Variants in FCRL2 observed in about 807,000 individuals in gnomAD.
FCRL2 encodes the protein Fc receptor like 2.
Under a neutral mutation model 59.8 loss-of-function variants are expected in FCRL2, and 48 were observed. That is an observed-to-expected ratio of 0.80 (90% CI 0.64 to 1.02). The LOEUF (loss-of-function observed/expected upper bound fraction) is 1.02. Ranked by LOEUF, FCRL2 falls within the 50% of genes least tolerant of loss-of-function variation. The pLI, the probability that FCRL2 is intolerant of heterozygous loss-of-function variation, is 0.00. For missense variants in FCRL2, 658 were observed against 597.3 expected, an observed-to-expected ratio of 1.10 and a Z score of -1.06; for synonymous variants, 251 against 229.5, an observed-to-expected ratio of 1.09 and a Z score of -0.85.
intron 9 of FCRL2, 38 bp from the exon 10 acceptor site, chr1:157,748,656 C>A: frequency 6.3e-7 from 1 of 1,576,450 alleles, no homozygotes; most frequent in Non-Finnish European, 8.7e-7. Context: ...ATGTTGGTGG[C>A]CCAGGGTTCA....
In FCRL2 at chr1:157,748,890, G is replaced by C. The variant is rs1244164894; in HGVS notation, c.1378C>G (p.Pro460Ala). 4 of 1,613,588 alleles carry C rather than the reference G, an allele frequency of 2.5e-6. No individual in the cohort carries two copies. The Admixed American group carries it at 6.7e-5, about 27-fold the overall frequency. Residue 460 changes from proline to alanine, a missense_variant, in exon 9 of 12, where the codon CCA (proline) becomes GCA (alanine). By Grantham distance (27) the Pro-to-Ala change is conservative. Coordinates refer to ENST00000361516, the MANE Select transcript of FCRL2 (RefSeq NM_030764.4). The part of the protein sequence containing the change: ...SPTPDMEELQ[P>A]VYVNVGSVDV... ...AGACACTCACCATTGACATACACTG[G>C]CTGCAGCTCCTCCATGTCTGGGGTT...
In FCRL2 at chr1:157,772,018, A is replaced by G. The variant is rs1308120705; in HGVS notation, c.53-1352T>C. On this transcript the variant is annotated intron_variant, in intron 2 of 11. Transcript: ENST00000361516. ...CAGAATTACTTGTTAGACATTGGGGAACAATCTGATTATATATATATATAT... is the reference window on the plus strand; with the variant it reads ...CAGAATTACTTGTTAGACATTGGGGGACAATCTGATTATATATATATATAT... Among the ~76,000 whole-genome samples the G allele has an allele frequency of 2.7e-5, 4 of 147,834 alleles. No homozygotes were observed. The East Asian group carries it at 8.0e-4, about 30-fold the overall frequency.
chr1:157,750,703 T>C (rs1454798407), intron 7 of FCRL2, among the ~76,000 whole-genome samples: 1 of 152,222 alleles, frequency 6.6e-6, no homozygotes, highest in Non-Finnish European at 1.5e-5. Context: ...TGGAAAGGAA[T>C]GACCTCAGAA....
At chr1:157,767,532 C>G (rs147750880) in intron 5 of FCRL2, 23 bp from the exon 6 acceptor site, 72 of 1,614,144 alleles carry the variant, frequency 4.5e-5, no homozygotes, top group Non-Finnish European at 5.6e-5. Flanking sequence ...GAGGGGCTAT[C>G]AGAAAAGATT....
rs10540465 is a variant in FCRL2 at position 157,770,396 on chromosome 1, GTC to G, written c.310+11_310+12del. The G allele has an allele frequency of 0.48, 764,300 of 1,608,038 alleles. 185,211 individuals are homozygous for G. Among genetic ancestry groups the G allele is most frequent in the African/African-American group, 0.74 (55,037 of 74,466 alleles). ...CTCTCACCCAGCCCATCCCACAGAA[GTC>G]AGGGTTTTACCTTGGACTTTTATCT... is the stretch of plus-strand genomic sequence containing the variant. On this transcript the variant is annotated intron_variant, in intron 3 of 11. Transcript: ENST00000361516.
intron 7 of FCRL2, among the ~76,000 whole-genome samples, chr1:157,759,075 T>C (rs1384850520): frequency 6.6e-6 from 1 of 152,210 alleles, no homozygotes; most frequent in Admixed American, 6.5e-5. Context: ...GGTAATTGAA[T>C]CATGGGGCTG....
intron 7 of FCRL2, among the ~76,000 whole-genome samples, chr1:157,755,887 G>A (rs1214870805): frequency 6.6e-6 from 1 of 152,142 alleles, no homozygotes; most frequent in Non-Finnish European, 1.5e-5. Context: ...TCTGAGGAAG[G>A]GAACCAAGAG....
chr1:157,769,673 C>A, intron 4 of FCRL2, 193 bp downstream of exon 4: 1 of 547,668 alleles, frequency 1.8e-6, no homozygotes, highest in South Asian at 2.1e-5. Flanking sequence ...ATGATCTGCC[C>A]GTCTCAGCCT....
At chr1:157,763,884 G>A (rs1337708427) in intron 7 of FCRL2, among the ~76,000 whole-genome samples, 2 of 152,068 alleles carry the variant, frequency 1.3e-5, no homozygotes, top group African/African-American at 4.8e-5. Flanking sequence ...CAAAAAATTA[G>A]CCAGGCAGGG....
chr1:157,763,719 C>T (rs1308169329), intron 7 of FCRL2, among the ~76,000 whole-genome samples: 1 of 151,764 alleles, frequency 6.6e-6, no homozygotes, highest in Admixed American at 6.6e-5. Flanking sequence ...ATACTCATAT[C>T]AGATAAAACA....
At chr1:157,761,775 G>C (rs1343497164) in intron 7 of FCRL2, among the ~76,000 whole-genome samples, 1 of 151,918 alleles carries the variant, frequency 6.6e-6, no homozygotes, top group Non-Finnish European at 1.5e-5. Flanking sequence ...CTAAATTCTT[G>C]ACAAATTAGA....
chr1:157,747,639 C>A (rs1647851732), intron 10 of FCRL2, among the ~76,000 whole-genome samples: 1 of 152,146 alleles, frequency 6.6e-6, no homozygotes, highest in African/African-American at 2.4e-5. Flanking sequence ...GCCACTGGCT[C>A]CATCAGAGGC....
chr1:157,750,307 C>T (rs958161978), intron 7 of FCRL2, among the ~76,000 whole-genome samples: 3 of 152,302 alleles, frequency 2.0e-5, no homozygotes, highest in South Asian at 4.1e-4. Flanking sequence ...TCCATTAATA[C>T]CTCAGGAAAC....
Position 157,767,356 on chromosome 1 carries a change from G to A in FCRL2, c.1037C>T (p.Ala346Val), listed in dbSNP as rs1412493450. The A allele has an allele frequency of 6.2e-7, 1 of 1,614,082 alleles. No individual in the cohort carries two copies. Among genetic ancestry groups the A allele is most frequent in the Non-Finnish European group, 8.5e-7 (1 of 1,180,038 alleles). ...HEDVTLGNSS[A>V]PSGGGASFNL... is the part of the protein sequence containing the mutation. ...GAAGGAGGCCCCTCCTCCAGAGGGG[G>A]CCGAGCTGTTCCCAAGGGTGACATC... is the stretch of plus-strand genomic sequence containing the variant. The change falls in exon 6 of 12, where the codon GCC (alanine) becomes GTC (valine). Residue 346 changes from alanine to valine, a missense_variant. Transcript: ENST00000361516.
chr1:157,772,546 C>T (rs1019721092), intron 2 of FCRL2, among the ~76,000 whole-genome samples: 5 of 152,180 alleles, frequency 3.3e-5, no homozygotes, highest in South Asian at 2.1e-4. Flanking sequence ...AGTGAACTTG[C>T]GGCCAGAGAG....
At chr1:157,755,346 C>T (rs1322040390) in intron 7 of FCRL2, among the ~76,000 whole-genome samples, 1 of 151,858 alleles carries the variant, frequency 6.6e-6, no homozygotes, top group Non-Finnish European at 1.5e-5. Flanking sequence ...GAGAAACAGG[C>T]AAAAAAATCA....
intron 7 of FCRL2, among the ~76,000 whole-genome samples, chr1:157,751,562 T>G (rs1247178841): frequency 6.6e-6 from 1 of 152,190 alleles, no homozygotes; most frequent in Non-Finnish European, 1.5e-5. Context: ...GTCATCTGCC[T>G]GAGGCAGGAG....
At position 157,777,120 on chromosome 1, in the gene FCRL2, A is replaced by G; in HGVS notation, c.-47T>C. 1 of 1,614,074 alleles carries G rather than the reference A, an allele frequency of 6.2e-7. No homozygotes were observed. Among genetic ancestry groups the G allele is most frequent in the Non-Finnish European group, 8.5e-7 (1 of 1,179,968 alleles). ...GAAAAGAGATGTACTCTTGGTCACC[A>G]ACTGGAGACTCTGAGCAGGCGATGA... On this transcript the variant is annotated 5_prime_UTR_variant, in exon 1 of 12. Transcript: ENST00000361516.
intron 4 of FCRL2, 141 bp downstream of exon 4, chr1:157,769,725 C>G (rs1176440657): frequency 3.7e-6 from 4 of 1,071,320 alleles, no homozygotes; most frequent in Middle Eastern, 2.8e-4. Flanking sequence ...CCGCGCCCGG[C>G]CGCAACCTGG....
Sources: allele counts gnomAD v4.1 joint callset (sites outside exome capture counted in the v4.1 genomes callset), GRCh38; gene constraint gnomAD v4.1.1; transcripts MANE v1.5; gene names NCBI Gene and HGNC (gene_info 2026-07-23, HGNC 2026-07-21).